Variants in NKAIN2 observed in about 807,000 individuals in gnomAD.
NKAIN2 encodes sodium/potassium transporting ATPase interacting 2, also known as sodium/potassium-transporting ATPase subunit beta-1-interacting protein 2.
NKAIN2 carries 14 observed loss-of-function variants against 32.6 expected under a neutral mutation model. The observed-to-expected ratio is 0.43, with a 90% CI of 0.28 to 0.67. NKAIN2 has a LOEUF of 0.67. Ranked by LOEUF, NKAIN2 falls within the 30% of genes least tolerant of loss-of-function variation. NKAIN2 has a pLI of 0.17. For missense variants in NKAIN2, 198 were observed against 258.3 expected, an observed-to-expected ratio of 0.77 and a Z score of 1.60; for synonymous variants, 80 against 87.2, an observed-to-expected ratio of 0.92 and a Z score of 0.46.
chr6:124,427,424 T>G (rs1206503223), intron 3 of NKAIN2, among the ~76,000 whole-genome samples: 6 of 152,198 alleles, frequency 3.9e-5, no homozygotes, highest in Non-Finnish European at 8.8e-5. Flanking sequence ...TTCATACTTG[T>G]ATGCATAAGC....
chr6:123,979,439 G>C (rs548368687), intron 1 of NKAIN2, among the ~76,000 whole-genome samples: 4 of 152,050 alleles, frequency 2.6e-5, no homozygotes, highest in Non-Finnish European at 4.4e-5. Context: ...AAGAGTTCTT[G>C]GACATCACCA....
chr6:123,813,016 C>G (rs1420556398), intron 1 of NKAIN2, among the ~76,000 whole-genome samples: 1 of 152,258 alleles, frequency 6.6e-6, no homozygotes, highest in Non-Finnish European at 1.5e-5. Flanking sequence ...TACATGTGAA[C>G]TGTTCGGTGG....
At chr6:124,797,190 AAAT>A (rs1400297844) in intron 5 of NKAIN2, among the ~76,000 whole-genome samples, 3 of 151,232 alleles carry the variant, frequency 2.0e-5, no homozygotes, top group Admixed American at 6.6e-5. Context: ...AAAAAAAAAA[AAAT>A]CATCATGACT....
At chr6:124,461,203 A>T (rs575514441) in intron 3 of NKAIN2, among the ~76,000 whole-genome samples, 2 of 151,844 alleles carry the variant, frequency 1.3e-5, no homozygotes, top group Non-Finnish European at 3.0e-5. Context: ...AAAAAGGTCA[A>T]CCTGGCTTCG....
intron 4 of NKAIN2, among the ~76,000 whole-genome samples, chr6:124,722,575 A>G (rs969476529): frequency 5.3e-5 from 8 of 152,288 alleles, no homozygotes; most frequent in African/African-American, 7.2e-5. Flanking sequence ...GCAGTTCACT[A>G]TAGGGTCTGT....
rs150911865 is a variant in NKAIN2 at position 124,433,403 on chromosome 6, C to T, written c.273+78056C>T. 4.3e-3 allele frequency among the ~76,000 whole-genome samples: 658 copies of T among 152,304 alleles called. 5 individuals are homozygous for T. Among genetic ancestry groups the T allele is most frequent in the African/African-American group, 0.015 (619 of 41,568 alleles). ...GCTGCCCTTGGAGGGGCAGTCCTCC[C>T]CAGCTACAGGATAGAACTTGTCTCA... On this transcript the variant is annotated intron_variant, in intron 3 of 6. Transcript: ENST00000368417.
At chr6:124,062,042 A>G (rs1367127157) in intron 1 of NKAIN2, among the ~76,000 whole-genome samples, 1 of 152,066 alleles carries the variant, frequency 6.6e-6, no homozygotes, top group Non-Finnish European at 1.5e-5. Context: ...ACCAAATAAA[A>G]CCAATGTTAT....
At chr6:124,737,877 C>T (rs1210807225) in intron 4 of NKAIN2, among the ~76,000 whole-genome samples, 1 of 151,886 alleles carries the variant, frequency 6.6e-6, no homozygotes, top group African/African-American at 2.4e-5. Context: ...ATCCGTGAAA[C>T]TTTGAACTTG....
At chr6:124,057,650 T>A (rs1017647987) in intron 1 of NKAIN2, among the ~76,000 whole-genome samples, 7 of 151,766 alleles carry the variant, frequency 4.6e-5, no homozygotes, top group Non-Finnish European at 7.4e-5. Context: ...TTTTTTTTTT[T>A]AATCCATCTG....
At chr6:124,816,203 G>C (rs1353173445) in intron 5 of NKAIN2, among the ~76,000 whole-genome samples, 1 of 152,144 alleles carries the variant, frequency 6.6e-6, no homozygotes, top group East Asian at 1.9e-4. Flanking sequence ...CATGCTATAT[G>C]AGTCCAGTGA....
intron 1 of NKAIN2, among the ~76,000 whole-genome samples, chr6:123,985,363 A>G (rs1810128): frequency 0.7 from 105,755 of 151,896 alleles, 37,262 homozygotes; most frequent in East Asian, 0.86. Context: ...TCACACCATT[A>G]CACTCCAGCC....
intron 4 of NKAIN2, among the ~76,000 whole-genome samples, chr6:124,682,135 T>G (rs1264172187): frequency 3.4e-5 from 5 of 145,566 alleles, no homozygotes; most frequent in South Asian, 2.2e-4. Context: ...GTAAAAAATG[T>G]TTTTTTTTTA....
chr6:123,965,318 A>C (rs1419796352), intron 1 of NKAIN2, among the ~76,000 whole-genome samples: 2 of 152,136 alleles, frequency 1.3e-5, no homozygotes, highest in African/African-American at 4.8e-5. Flanking sequence ...TATGCCTTTT[A>C]ATTTTTGGTG....
intron 4 of NKAIN2, among the ~76,000 whole-genome samples, chr6:124,747,468 G>A (rs1437613032): frequency 1.3e-5 from 2 of 151,728 alleles, no homozygotes; most frequent in Non-Finnish European, 1.5e-5. Flanking sequence ...ACTGGTCCAG[G>A]GAGCAATGGA....
At chr6:124,062,517 C>T (rs1328436082) in intron 1 of NKAIN2, among the ~76,000 whole-genome samples, 2 of 152,200 alleles carry the variant, frequency 1.3e-5, no homozygotes, top group Non-Finnish European at 2.9e-5. Flanking sequence ...CAGCCTTGAC[C>T]TCCCAGGCTC....
Position 123,804,174 on chromosome 6 carries a change from CT to C in NKAIN2, c.-26del. On this transcript the variant is annotated 5_prime_UTR_variant, in exon 1 of 7. Transcript: ENST00000368417. The stretch of plus-strand genomic sequence containing the variant: ...TCGACGGTGGCCGACGTGGGACAGT[CT>C]GGCTGTGGCAGGGGTCTCGGAAACC... The C allele has an allele frequency of 6.2e-7, 1 of 1,611,040 alleles. No individual in the cohort carries two copies. Among genetic ancestry groups the C allele is most frequent in the South Asian group, 1.1e-5 (1 of 90,974 alleles).
At chr6:124,252,105 A>T (rs796123339) in intron 1 of NKAIN2, among the ~76,000 whole-genome samples, 5 of 152,216 alleles carry the variant, frequency 3.3e-5, no homozygotes, top group African/African-American at 1.2e-4. Flanking sequence ...CATTTGCAAC[A>T]GCATGTGTGC....
intron 1 of NKAIN2, among the ~76,000 whole-genome samples, chr6:123,888,028 G>C (rs959208364): frequency 6.6e-5 from 10 of 152,020 alleles, no homozygotes; most frequent in Non-Finnish European, 1.0e-4. Flanking sequence ...CCTAATATTT[G>C]TAAAGTGTAT....
chr6:124,273,668 T>C (rs2114887245), intron 1 of NKAIN2, among the ~76,000 whole-genome samples: 1 of 152,270 alleles, frequency 6.6e-6, no homozygotes, highest in East Asian at 1.9e-4. Context: ...CATTGCTCAA[T>C]ACCTATGATA....
Sources: allele counts gnomAD v4.1 joint callset (sites outside exome capture counted in the v4.1 genomes callset), GRCh38; gene constraint gnomAD v4.1.1; transcripts MANE v1.5; gene names NCBI Gene and HGNC (gene_info 2026-07-23, HGNC 2026-07-21).